The following KRIT1 variants were observed in gnomAD, a reference collection of about 807,000 sequenced individuals.
KRIT1 encodes KRIT1 ankyrin repeat containing, also known as krev interaction trapped protein 1.
A neutral mutation model predicts 95.8 loss-of-function variants in KRIT1; 45 were observed. That is an observed-to-expected ratio of 0.47 (90% CI 0.37 to 0.60). KRIT1 has a LOEUF of 0.60. KRIT1 is among the 20% of genes least tolerant of loss of function. The pLI, the probability that KRIT1 is intolerant of heterozygous loss-of-function variation, is 0.00. For missense variants in KRIT1, 788 were observed against 877.5 expected (o/e 0.90, Z 1.29); for synonymous variants, 282 against 278.8 (o/e 1.01, Z -0.11).
intron 5 of KRIT1, among the ~76,000 whole-genome samples, chr7:92,238,267 T>A (rs2131704598): frequency 6.6e-6 from 1 of 152,312 alleles, no homozygotes; most frequent in Admixed American, 6.5e-5. Flanking sequence ...TTTTCCTGAA[T>A]TGGCAGTAAG....
At chr7:92,229,017 G>C (rs1313317613) in intron 10 of KRIT1, among the ~76,000 whole-genome samples, 4 of 152,086 alleles carry the variant, frequency 2.6e-5, no homozygotes, top group Non-Finnish European at 5.9e-5. Context: ...CTATGTCTTT[G>C]CTATTGTGAA....
chr7:92,238,138 G>A (rs1388242820), intron 5 of KRIT1, among the ~76,000 whole-genome samples: 1 of 152,158 alleles, frequency 6.6e-6, no homozygotes, highest in Non-Finnish European at 1.5e-5. Flanking sequence ...AAGTTTCAAA[G>A]TCTTAATGTT....
chr7:92,236,314 CATT>C, intron 7 of KRIT1, 96 bp downstream of exon 7: 1 of 791,082 alleles, frequency 1.3e-6, no homozygotes, highest in Non-Finnish European at 2.1e-6. Flanking sequence ...ATATTATTTT[CATT>C]ATTTTCTTCT....
Position 92,213,954 on chromosome 7 carries a change from G to C in KRIT1, c.1756C>G (p.Pro586Ala). Reference protein sequence around the residue: ...LNEENLKSIVPVTKLKSKAPH... With the variant: ...LNEENLKSIVAVTKLKSKAPH... ...GCCTTACTTTTCAGTTTGGTAACAG[G>C]TACGATGGATTTTAGATTTTCTTCA... Residue 586 changes from proline to alanine, a missense_variant, in exon 16 of 19, where the codon CCT becomes GCT. This residue lies in a region of KRIT1 where 493 missense variants were observed against 582.3 expected (regional missense o/e 0.85). Coordinates refer to ENST00000394505, the MANE Select transcript of KRIT1 (RefSeq NM_194454.3). The C allele has an allele frequency of 6.2e-7, 1 of 1,608,682 alleles. No individual in the cohort carries two copies. The highest frequency in any genetic ancestry group is 8.5e-7 in the Non-Finnish European group (1 of 1,175,292).
chr7:92,223,255 C>T (rs1795505260), intron 12 of KRIT1, among the ~76,000 whole-genome samples: 1 of 147,974 alleles, frequency 6.8e-6, no homozygotes, highest in African/African-American at 2.5e-5. Context: ...TGGTGAAACC[C>T]CGTCTCTACT....
At chr7:92,238,341 TATGCTTTCA>T (rs1798851187) in intron 5 of KRIT1, among the ~76,000 whole-genome samples, 1 of 152,220 alleles carries the variant, frequency 6.6e-6, no homozygotes, top group Non-Finnish European at 1.5e-5. Context: ...AGACCTTTGT[TATGCTTTCA>T]ATGCTTTCAA....
intron 5 of KRIT1, among the ~76,000 whole-genome samples, chr7:92,238,155 C>T (rs1798821977): frequency 6.6e-6 from 1 of 152,134 alleles, no homozygotes; most frequent in Non-Finnish European, 1.5e-5. Context: ...TGTTTAGTGG[C>T]TCTTCATTTA....
intron 10 of KRIT1, among the ~76,000 whole-genome samples, chr7:92,232,484 T>C (rs75184335): frequency 0.011 from 1,592 of 151,328 alleles, 26 homozygotes; most frequent in African/African-American, 0.037. Context: ...ATGTAATAGT[T>C]GAAAATATTA....
At position 92,226,518 on chromosome 7, in the gene KRIT1, T is replaced by A. The variant is rs182762651; in HGVS notation, c.1146+8A>T. ...ATATTATTTTTAAAAACCTGGAAAA[T>A]AACTTACTCTATCCGTTTCTGGGTG... is the stretch of plus-strand genomic sequence containing the variant. On this transcript the variant is annotated splice_region_variant and intron_variant, in intron 11 of 18. Coordinates refer to ENST00000394505, the MANE Select transcript of KRIT1 (RefSeq NM_194454.3). 1.7e-3 allele frequency: 2,700 copies of A among 1,602,254 alleles called. 5 individuals carry two copies. The highest frequency in any genetic ancestry group is 2.1e-3 in the Non-Finnish European group (2,453 of 1,169,396).
intron 14 of KRIT1, among the ~76,000 whole-genome samples, chr7:92,218,750 C>T (rs1256326139): frequency 6.6e-6 from 1 of 151,956 alleles, no homozygotes; most frequent in Non-Finnish European, 1.5e-5. Context: ...GATAGTAAAC[C>T]CTTATCTATG....
At chr7:92,209,151 GA>G (rs911983226) in intron 17 of KRIT1, among the ~76,000 whole-genome samples, 76 of 147,376 alleles carry the variant, frequency 5.2e-4, no homozygotes, top group East Asian at 5.9e-4. Context: ...GTTTCGTGAT[GA>G]AAAAAAAAAC....
At chr7:92,226,352 C>T (rs1158939647) in intron 11 of KRIT1, among the ~76,000 whole-genome samples, 174 bp downstream of exon 11, 1 of 151,982 alleles carries the variant, frequency 6.6e-6, no homozygotes, top group Non-Finnish European at 1.5e-5. Flanking sequence ...CACATATATT[C>T]CATTATTTAT....
At chr7:92,245,679 G>A (rs1800817773) in intron 1 of KRIT1, 111 bp downstream of exon 1, 1 of 152,364 alleles carries the variant, frequency 6.6e-6, no homozygotes, top group Admixed American at 6.6e-5. Context: ...CCAGCTTCCT[G>A]TGGCAGAAAA....
At position 92,225,780 on chromosome 7, in the gene KRIT1, T is replaced by A. The variant is rs1234173918; in HGVS notation, c.1194A>T (p.Glu398Asp). The change falls in exon 12 of 19, where the codon GAA (glutamate) becomes GAT (aspartate). Residue 398 changes from glutamate (E) to aspartate (D), a missense_variant. This residue lies in a region of KRIT1 where 493 missense variants were observed against 582.3 expected (regional missense o/e 0.85). Transcript: ENST00000394505. ...QGRSPLNICE[E>D]NKQNNWEEAA... ...CTTCTTCCCAGTTGTTTTGTTTGTTTTCTTCACAAATATTTAATGGAGATC... is the reference window on the plus strand; with the variant it reads ...CTTCTTCCCAGTTGTTTTGTTTGTTATCTTCACAAATATTTAATGGAGATC... 1 of 1,611,484 alleles carries A rather than the reference T, an allele frequency of 6.2e-7. No homozygotes were observed. The highest frequency in any genetic ancestry group is 1.1e-5 in the South Asian group (1 of 91,016).
At chr7:92,227,654 C>A (rs1278417349) in intron 10 of KRIT1, among the ~76,000 whole-genome samples, 1 of 151,914 alleles carries the variant, frequency 6.6e-6, no homozygotes, top group Non-Finnish European at 1.5e-5. Flanking sequence ...CGTGTCTCAG[C>A]CTCCCAAGTA....
Position 92,235,470 on chromosome 7 carries a change from G to A in KRIT1, c.662C>T (p.Ala221Val). 6.2e-7 allele frequency: 1 copy of A among 1,613,258 alleles called. No homozygotes were observed. Among genetic ancestry groups the A allele is most frequent in the Non-Finnish European group, 8.5e-7 (1 of 1,179,288 alleles). The change falls in exon 8 of 19, where the codon GCC becomes GTC. Residue 221 changes from alanine to valine, a missense_variant. Around this residue, in one of 3 missense-constraint regions of KRIT1, gnomAD observed 289 missense variants for 277.5 expected, o/e 1.04. Transcript: ENST00000394505. ...SALEIKSKML[A>V]LEKADTCIYN... ...AATACAGGTATCTGCTTTCTCTAGG[G>A]CTAACATTTTACTCTTTATTTCTAG...
intron 10 of KRIT1, among the ~76,000 whole-genome samples, chr7:92,229,664 C>T (rs1022806424): frequency 1.4e-4 from 22 of 152,150 alleles, no homozygotes; most frequent in African/African-American, 4.3e-4. Flanking sequence ...GCCTCTGAAA[C>T]GGTTTAAAAT....
chr7:92,240,170 T>C (rs1389281984), intron 5 of KRIT1, among the ~76,000 whole-genome samples: 5 of 152,308 alleles, frequency 3.3e-5, no homozygotes, highest in African/African-American at 7.2e-5. Context: ...AGCTCAGTTA[T>C]GTATCTCTAG....
chr7:92,208,676 C>A (rs1431433025), intron 17 of KRIT1, among the ~76,000 whole-genome samples: 1 of 151,930 alleles, frequency 6.6e-6, no homozygotes, highest in African/African-American at 2.4e-5. Flanking sequence ...AAAAGAAAAC[C>A]TCAACAGATA....
Sources: allele counts gnomAD v4.1 joint callset (sites outside exome capture counted in the v4.1 genomes callset), GRCh38; gene constraint gnomAD v4.1.1; regional missense constraint gnomAD v4.1.1; transcripts MANE v1.5; gene names NCBI Gene and HGNC (gene_info 2026-07-23, HGNC 2026-07-21).